Variants in PTPRD observed in about 807,000 individuals in gnomAD.
The protein encoded by PTPRD is protein tyrosine phosphatase receptor type D.
A neutral mutation model predicts 214.5 loss-of-function variants in PTPRD; 34 were observed. The observed-to-expected ratio is 0.16, with a 90% CI of 0.12 to 0.21. PTPRD has a LOEUF of 0.21. Ranked by LOEUF, PTPRD falls within the 10% of genes least tolerant of loss-of-function variation. The pLI is 1.00. For missense variants in PTPRD, 2,545 were observed against 2,398.7 expected (o/e 1.06, Z -1.27); for synonymous variants, 1,128 against 845.7 (o/e 1.33, Z -5.79).
intron 11 of PTPRD, among the ~76,000 whole-genome samples, chr9:8,804,335 C>T (rs116098461): frequency 0.012 from 1,893 of 152,064 alleles, 34 homozygotes; most frequent in African/African-American, 0.039. Flanking sequence ...CAGTGGCTCA[C>T]ACTTGCAATC....
chr9:9,269,675 T>C (rs1160707409), intron 9 of PTPRD, among the ~76,000 whole-genome samples: 1 of 151,418 alleles, frequency 6.6e-6, no homozygotes, highest in Non-Finnish European at 1.5e-5. Flanking sequence ...TTATTCAGCA[T>C]TAAGAAATAA....
intron 12 of PTPRD, among the ~76,000 whole-genome samples, chr9:8,655,041 T>G (rs977769883): frequency 2.0e-5 from 3 of 152,156 alleles, no homozygotes; most frequent in Non-Finnish European, 4.4e-5. Context: ...ACATAACTTG[T>G]AAATGTAATT....
At chr9:8,902,431 C>T (rs60393384) in intron 11 of PTPRD, among the ~76,000 whole-genome samples, 5 of 151,374 alleles carry the variant, frequency 3.3e-5, no homozygotes, top group African/African-American at 1.2e-4. Flanking sequence ...TAACCTCCGC[C>T]TCCTGGGTTC....
chr9:8,955,065 A>C (rs2099123957), intron 11 of PTPRD, among the ~76,000 whole-genome samples: 1 of 151,898 alleles, frequency 6.6e-6, no homozygotes, highest in African/African-American at 2.4e-5. Flanking sequence ...ATTGATGGAG[A>C]GGAAACTTGA....
chr9:9,428,112 A>G (rs1252322287), intron 8 of PTPRD, among the ~76,000 whole-genome samples: 1 of 152,190 alleles, frequency 6.6e-6, no homozygotes, highest in African/African-American at 2.4e-5. Flanking sequence ...AAAAACACAG[A>G]CTGGCAAATT....
intron 3 of PTPRD, among the ~76,000 whole-genome samples, chr9:10,109,863 A>G (rs1437881514): frequency 6.6e-6 from 1 of 152,112 alleles, no homozygotes; most frequent in Non-Finnish European, 1.5e-5. Flanking sequence ...TTTTCAAGAA[A>G]GATTGTGACA....
At chr9:9,509,671 G>A (rs1196597534) in intron 8 of PTPRD, among the ~76,000 whole-genome samples, 1 of 151,542 alleles carries the variant, frequency 6.6e-6, no homozygotes, top group Non-Finnish European at 1.5e-5. Context: ...TGAGAATAAA[G>A]CCGTATTCCT....
rs552984613 is a variant in PTPRD at position 10,499,206 on chromosome 9, T to C, written c.-600+113192A>G. Reference sequence around the variant, plus strand: ...CACTAGATTTATCCTTCTGTACACATACCAAGCTTGAGGTTTTTAAAATGA... The same window carrying C: ...CACTAGATTTATCCTTCTGTACACACACCAAGCTTGAGGTTTTTAAAATGA... On this transcript the variant is annotated intron_variant, in intron 2 of 45. Transcript: ENST00000381196. Among the ~76,000 whole-genome samples, 5 of 152,082 alleles carry C rather than the reference T, an allele frequency of 3.3e-5. No homozygotes were observed. In the East Asian group the frequency reaches 5.8e-4, roughly 18 times the overall value.
intron 12 of PTPRD, among the ~76,000 whole-genome samples, chr9:8,730,026 A>G (rs1174905549): frequency 6.6e-6 from 1 of 152,126 alleles, no homozygotes; most frequent in African/African-American, 2.4e-5. Context: ...GGAGGCCAAG[A>G]TGGGTGGATC....
chr9:10,056,497 T>TA (rs1373734486), intron 3 of PTPRD, among the ~76,000 whole-genome samples: 2 of 152,052 alleles, frequency 1.3e-5, no homozygotes, highest in Non-Finnish European at 2.9e-5. Context: ...TGTATTTAAT[T>TA]AAAAAAACAA....
chr9:10,104,854 T>C (rs2098607705), intron 3 of PTPRD, among the ~76,000 whole-genome samples: 1 of 151,902 alleles, frequency 6.6e-6, no homozygotes, highest in African/African-American at 2.4e-5. Context: ...AGACGATGAT[T>C]TGCTCCTGCC....
At chr9:8,317,975 G>A (rs373484033) in intron 45 of PTPRD, 33 bp from the exon 46 acceptor site, 1 of 1,584,974 alleles carries the variant, frequency 6.3e-7, no homozygotes, top group Non-Finnish European at 8.7e-7. Flanking sequence ...AGAAGCAAAA[G>A]AAGGGACCAT....
chr9:9,229,448 T>A (rs1476828379), intron 9 of PTPRD, among the ~76,000 whole-genome samples: 1 of 152,064 alleles, frequency 6.6e-6, no homozygotes, highest in Non-Finnish European at 1.5e-5. Flanking sequence ...TGATGAATAA[T>A]CTGTAATCCT....
intron 5 of PTPRD, among the ~76,000 whole-genome samples, chr9:9,810,387 A>T (rs956755867): frequency 1.3e-5 from 2 of 152,086 alleles, no homozygotes; most frequent in East Asian, 1.9e-4. Flanking sequence ...AAAGCTTCAA[A>T]GGACTGGTTT....
At chr9:9,704,223 G>C (rs141989665) in intron 7 of PTPRD, among the ~76,000 whole-genome samples, 1 of 152,038 alleles carries the variant, frequency 6.6e-6, no homozygotes, top group East Asian at 1.9e-4. Flanking sequence ...ACTATTGTCT[G>C]TGATATTGCC....
intron 10 of PTPRD, among the ~76,000 whole-genome samples, chr9:9,141,230 C>T (rs567615067): frequency 6.9e-6 from 1 of 145,462 alleles, no homozygotes; most frequent in African/African-American, 2.6e-5. Flanking sequence ...CTTCTCTCTC[C>T]TCCCCCCGTC....
At chr9:8,600,834 C>T (rs1239438170) in intron 14 of PTPRD, among the ~76,000 whole-genome samples, 1 of 151,896 alleles carries the variant, frequency 6.6e-6, no homozygotes, top group East Asian at 2.0e-4. Flanking sequence ...ATCATATTAC[C>T]AACTGTGGTG....
intron 9 of PTPRD, among the ~76,000 whole-genome samples, chr9:9,224,370 C>T (rs1260412919): frequency 2.0e-5 from 3 of 152,124 alleles, no homozygotes; most frequent in African/African-American, 7.2e-5. Context: ...AGGTGGTTCT[C>T]ATTGCGTAAA....
At chr9:8,756,291 G>C (rs758567402) in intron 11 of PTPRD, among the ~76,000 whole-genome samples, 4 of 152,122 alleles carry the variant, frequency 2.6e-5, no homozygotes, top group African/African-American at 9.7e-5. Context: ...TTATATAATA[G>C]ATTTGCTAGG....
Sources: gnomAD v4.1 joint callset for allele counts (sites outside exome capture counted in the v4.1 genomes callset) on GRCh38, gnomAD v4.1.1 for gene constraint, MANE v1.5 for transcripts, NCBI Gene and HGNC (gene_info 2026-07-23, HGNC 2026-07-21) for gene names.